ZNF568: variants seen among roughly 807,000 people sequenced by gnomAD.
ZNF568 encodes the protein zinc finger protein 568.
A neutral mutation model predicts 18.1 loss-of-function variants in ZNF568; 11 were observed. The ratio of observed to expected loss-of-function variants is 0.61; its 90% confidence interval spans 0.38 to 1.00. The LOEUF is 1.00. Ranked by LOEUF, ZNF568 falls within the 50% of genes least tolerant of loss-of-function variation. The probability of loss-of-function intolerance (pLI) is 0.01; values close to 1 mark genes in which losing one functional copy is unlikely to be tolerated. For missense variants in ZNF568, 639 were observed against 768.2 expected, an observed-to-expected ratio of 0.83 and a Z score of 1.99; for synonymous variants, 213 against 246.6, an observed-to-expected ratio of 0.86 and a Z score of 1.28.
rs896496864 is a variant in ZNF568 at position 36,970,080 on chromosome 19, G to C, written c.359-4340G>C. Among the ~76,000 whole-genome samples the C allele has an allele frequency of 1.6e-5, 2 of 124,002 alleles. 1 individual carries two copies. The highest frequency in any genetic ancestry group is 6.4e-5 in the African/African-American group (2 of 31,380). The allele number at this position is 124,002 out of a possible 152,430, so 81.4% of individuals were successfully genotyped here. On this transcript the variant is annotated intron_variant, in intron 6 of 7. Coordinates refer to the ZNF568 transcript ENST00000427117. ...CCTGGCCTCCATCTCAAGATTATTA[G>C]TTGAAGCATATCTGCTGCAGAGCCT...
chr19:36,988,902 AT>A (rs1431878902), intron 2 of ZNF568, among the ~76,000 whole-genome samples: 2 of 152,118 alleles, frequency 1.3e-5, no homozygotes, highest in African/African-American at 4.8e-5. Flanking sequence ...ACAATATTTT[AT>A]TGTTAAACCA....
At chr19:36,973,078 C>T (rs2074249602) in intron 6 of ZNF568, 1 of 152,752 alleles carries the variant, frequency 6.5e-6, no homozygotes, top group Admixed American at 6.5e-5. Context: ...GGGAACTGGA[C>T]ATGACTGTGA....
chr19:36,997,789 T>G, downstream of ZNF568: 2 of 588,840 alleles, frequency 3.4e-6, no homozygotes, highest in South Asian at 4.3e-5. Flanking sequence ...AAAAAACTTA[T>G]GATTCTAAGT....
rs773650130 is a variant in ZNF568, at chr19:36,971,900, TAC to T, written c.359-2518_359-2517del. 6.0e-5 allele frequency among the ~76,000 whole-genome samples: 9 copies of T among 149,470 alleles called. No individual in the cohort carries two copies. The East Asian group carries it at 1.2e-3, about 20-fold the overall frequency. On this transcript the variant is annotated intron_variant, in intron 6 of 7. Coordinates refer to the ZNF568 transcript ENST00000427117. ...CTGTCACCAGGCTGGAGTGCAGTGG[TAC>T]AGTCTCGGCTCACTGCAACCTCCGC...
intron 4 of ZNF568, among the ~76,000 whole-genome samples, chr19:36,994,960 T>G (rs1288384163): frequency 6.6e-6 from 1 of 152,212 alleles, no homozygotes; most frequent in Non-Finnish European, 1.5e-5. Context: ...AAAATATCCT[T>G]TTTTCTCACT....
intron 2 of ZNF568, among the ~76,000 whole-genome samples, chr19:36,918,152 T>C (rs2073384581): frequency 6.6e-6 from 1 of 152,134 alleles, no homozygotes; most frequent in Admixed American, 6.5e-5. Context: ...TTCACCATGT[T>C]AGCCACCATG....
In ZNF568 at chr19:36,972,632, G is replaced by C. The variant is rs192826889; in HGVS notation, c.359-1788G>C. 4.9e-5 allele frequency among the ~76,000 whole-genome samples: 7 copies of C among 143,168 alleles called. No homozygotes were observed. In the East Asian group the frequency reaches 1.2e-3, roughly 25 times the overall value. The allele number at this position is 143,168 out of a possible 152,430, so 93.9% of individuals were successfully genotyped here. Reference sequence around the variant, plus strand: ...CAAACTTAGCCACCCGGCTTTATCGGGATTGTGGCCCAGGTCAGTGAAGCC... The same window carrying C: ...CAAACTTAGCCACCCGGCTTTATCGCGATTGTGGCCCAGGTCAGTGAAGCC... On this transcript the variant is annotated intron_variant, in intron 6 of 7. Transcript: ENST00000427117.
downstream of ZNF568, among the ~76,000 whole-genome samples, chr19:36,953,652 C>A (rs1226532486): frequency 6.6e-6 from 1 of 152,192 alleles, no homozygotes; most frequent in Non-Finnish European, 1.5e-5. Context: ...TAGCTCAAGC[C>A]TGTAAACCCA....
chr19:36,953,801 C>T (rs1159593573), downstream of ZNF568, among the ~76,000 whole-genome samples: 1 of 152,152 alleles, frequency 6.6e-6, no homozygotes, highest in African/African-American at 2.4e-5. Flanking sequence ...ATCCCAACTA[C>T]TCAGAAGGCT....
chr19:36,952,948 T>C (rs1388389078), downstream of ZNF568, among the ~76,000 whole-genome samples: 1 of 152,248 alleles, frequency 6.6e-6, no homozygotes, highest in Non-Finnish European at 1.5e-5. Context: ...AACTTGATGA[T>C]GCTGTGTTTT....
At chr19:36,938,344 A>G (rs546420173) in intron 6 of ZNF568, among the ~76,000 whole-genome samples, 1 of 152,334 alleles carries the variant, frequency 6.6e-6, no homozygotes, top group Admixed American at 6.5e-5. Flanking sequence ...ACCAATTGAG[A>G]AAGTACAACA....
chr19:36,984,024 G>A (rs926899196), downstream of ZNF568, among the ~76,000 whole-genome samples: 21 of 149,342 alleles, frequency 1.4e-4, no homozygotes, highest in Non-Finnish European at 2.5e-4. Flanking sequence ...TCAGCCTCCC[G>A]AGTAGCTGGG....
chr19:36,958,621 T>TTC (rs1382535607), intron 6 of ZNF568, among the ~76,000 whole-genome samples: 85 of 138,108 alleles, frequency 6.2e-4, no homozygotes, highest in Non-Finnish European at 1.2e-3. Context: ...TCTTTCTTTT[T>TTC]TTTTTTTTTT....
intron 2 of ZNF568, among the ~76,000 whole-genome samples, chr19:36,990,351 A>G (rs1281065705): frequency 3.3e-5 from 5 of 152,234 alleles, no homozygotes; most frequent in Admixed American, 6.5e-5. Context: ...ACGGTGGCTC[A>G]TGCCTGTAAT....
At chr19:36,975,662 G>A (rs1269279502) in intron 7 of ZNF568, among the ~76,000 whole-genome samples, 3 of 143,316 alleles carry the variant, frequency 2.1e-5, no homozygotes, top group East Asian at 2.0e-4. Flanking sequence ...GGCAGCAGGC[G>A]TGAGCCACCG....
At chr19:36,921,631 A>ATT (rs567591206) in intron 2 of ZNF568, among the ~76,000 whole-genome samples, 4 of 149,400 alleles carry the variant, frequency 2.7e-5, no homozygotes, top group Non-Finnish European at 6.0e-5. Context: ...TGTTACATAT[A>ATT]TTTTTTTTTT....
chr19:36,977,405 T>A (rs2074294823), intron 7 of ZNF568, among the ~76,000 whole-genome samples: 1 of 105,178 alleles, frequency 9.5e-6, no homozygotes, highest in Admixed American at 9.3e-5. Flanking sequence ...AAATTTAAGG[T>A]TTTTTTGTTT....
Position 36,949,526 on chromosome 19 carries a change from G to T in ZNF568, c.373G>T (p.Asp125Tyr). The change falls in exon 7 of 7, where the codon GAT becomes TAT. Residue 125 changes from aspartate to tyrosine, a missense_variant. Coordinates refer to ENST00000333987, the MANE Select transcript of ZNF568 (RefSeq NM_198539.4). Reference sequence around the variant, plus strand: ...CTCCATTTTAGAAGTTTGGGAAGTTGATGAACAGATCAAGAAGCAACAGGA... The same window carrying T: ...CTCCATTTTAGAAGTTTGGGAAGTTTATGAACAGATCAAGAAGCAACAGGA... ...GRHCPEVWEV[D>Y]EQIKKQQETL... 1 of 1,582,670 alleles carries T rather than the reference G, an allele frequency of 6.3e-7. No homozygotes were observed. Among genetic ancestry groups the T allele is most frequent in the South Asian group, 1.2e-5 (1 of 84,554 alleles).
At chr19:36,969,020 T>A (rs2074216427) in intron 6 of ZNF568, among the ~76,000 whole-genome samples, 1 of 152,060 alleles carries the variant, frequency 6.6e-6, no homozygotes, top group Admixed American at 6.6e-5. Flanking sequence ...CATGCCTGTC[T>A]AATTTTTTGT....
Sources: gnomAD v4.1 joint callset for allele counts (sites outside exome capture counted in the v4.1 genomes callset) on GRCh38, gnomAD v4.1.1 for gene constraint, MANE v1.5 for transcripts, NCBI Gene and HGNC (gene_info 2026-07-23, HGNC 2026-07-21) for gene names.